MYLK4: variants seen among roughly 807,000 people sequenced by gnomAD.
MYLK4 encodes caMLCK like.
Under a neutral mutation model 48.1 loss-of-function variants are expected in MYLK4, and 46 were observed. That is an observed-to-expected ratio of 0.96 (90% CI 0.75 to 1.22). MYLK4 has a LOEUF of 1.22. MYLK4 is among the 50% of genes most tolerant of loss of function. The pLI is 0.00. For missense variants in MYLK4, 451 were observed against 486.1 expected (o/e 0.93, Z 0.68); for synonymous variants, 170 against 180.8 (o/e 0.94, Z 0.48).
chr6:2,754,875 C>A (rs568691403), upstream of MYLK4, among the ~76,000 whole-genome samples: 2 of 152,104 alleles, frequency 1.3e-5, no homozygotes, highest in Non-Finnish European at 2.9e-5. Flanking sequence ...AAGAGTCTCA[C>A]GCTTTTCTTC....
At chr6:2,679,476 T>C in intron 8 of MYLK4, 68 bp from the exon 9 acceptor site, 1 of 1,581,184 alleles carries the variant, frequency 6.3e-7, no homozygotes, top group East Asian at 2.2e-5. Flanking sequence ...TGAAATGATG[T>C]AGTCTATGAG....
chr6:2,671,337 A>T lies in MYLK4; in HGVS notation c.1131T>A (p.Asn377Lys), dbSNP rs952501044. ...CAAAGTCCTGGGCATCAGAGCCACG[A>T]TTCTTCTTCTTCTAGGGAAAGCAGA... is the stretch of plus-strand genomic sequence containing the variant. ...HSRLNAQKKK[N>K]RGSDAQDFVT... Residue 377 changes from asparagine (N) to lysine (K), a missense_variant, in exon 12 of 13, where the codon AAT becomes AAA. Transcript: ENST00000274643. 3 of 1,613,866 alleles carry T rather than the reference A, an allele frequency of 1.9e-6. No individual in the cohort carries two copies. The African/African-American group carries it at 4.0e-5, about 22-fold the overall frequency.
At chr6:2,766,324 C>T in the MYLK4 span, 41 of 1,610,624 alleles carry the variant, frequency 2.5e-5, no homozygotes, top group East Asian at 1.6e-4. Context: ...TGCGTCCTGA[C>T]ACGCTGCAGG....
Position 2,671,351 on chromosome 6 carries a change from A to C in MYLK4, c.1120-3T>G, listed in dbSNP as rs1760888253. ...TCAGAGCCACGATTCTTCTTCTTCTAGGGAAAGCAGAAGGCATATGGGAAG... is the reference window on the plus strand; with the variant it reads ...TCAGAGCCACGATTCTTCTTCTTCTCGGGAAAGCAGAAGGCATATGGGAAG... On this transcript the variant is annotated splice_region_variant and splice_polypyrimidine_tract_variant and intron_variant, in intron 11 of 12. Transcript: ENST00000274643. 2.5e-6 allele frequency: 4 copies of C among 1,613,838 alleles called. No homozygotes were observed. In the South Asian group the frequency reaches 4.4e-5, roughly 18 times the overall value.
chr6:2,738,621 T>G (rs1417842356), intron 2 of MYLK4, among the ~76,000 whole-genome samples: 6 of 152,182 alleles, frequency 3.9e-5, no homozygotes, highest in African/African-American at 1.4e-4. Flanking sequence ...GAACCTCAAT[T>G]TGTGGTGGTA....
the MYLK4 span, chr6:2,766,090 C>G: frequency 2.3e-6 from 3 of 1,314,064 alleles, no homozygotes; most frequent in East Asian, 3.1e-5. Flanking sequence ...CTCCGCGCAG[C>G]TGGGACGAGG....
At chr6:2,699,801 C>T (rs1451116596) in intron 2 of MYLK4, among the ~76,000 whole-genome samples, 1 of 152,114 alleles carries the variant, frequency 6.6e-6, no homozygotes, top group Non-Finnish European at 1.5e-5. Context: ...GCGCTTGAGC[C>T]TGGTGGTAGA....
intron 2 of MYLK4, among the ~76,000 whole-genome samples, chr6:2,737,474 G>GT (rs1561877566): frequency 6.6e-6 from 1 of 152,184 alleles, no homozygotes; most frequent in Non-Finnish European, 1.5e-5. Flanking sequence ...GTCTCTGATG[G>GT]TAACTCATCT....
intron 2 of MYLK4, among the ~76,000 whole-genome samples, chr6:2,741,701 T>C (rs2113360195): frequency 6.6e-6 from 1 of 152,338 alleles, no homozygotes; most frequent in East Asian, 1.9e-4. Flanking sequence ...TCATTAGCAA[T>C]AAGAAAAGCT....
Position 2,706,212 on chromosome 6 carries a change from C to T in MYLK4, c.160-13353G>A, listed in dbSNP as rs539180773. Among the ~76,000 whole-genome samples the T allele has an allele frequency of 7.0e-3, 275 of 39,418 alleles. 1 individual carries two copies. Among genetic ancestry groups the T allele is most frequent in the African/African-American group, 0.022 (259 of 11,738 alleles). The allele number at this position is 39,418 out of a possible 152,430, so 25.9% of individuals were successfully genotyped here. On this transcript the variant is annotated intron_variant, in intron 2 of 12. Coordinates refer to ENST00000274643, the MANE Select transcript of MYLK4 (RefSeq NM_001012418.5). ...TGAATATTCTATCTGTTATTGTATACTGTTTTCTGTGATGTTTAGAAGAGT... is the reference window on the plus strand; with the variant it reads ...TGAATATTCTATCTGTTATTGTATATTGTTTTCTGTGATGTTTAGAAGAGT...
chr6:2,731,822 T>A (rs938096187), intron 2 of MYLK4, among the ~76,000 whole-genome samples: 3 of 152,248 alleles, frequency 2.0e-5, no homozygotes, highest in African/African-American at 7.2e-5. Flanking sequence ...TCTTTTATTA[T>A]AAAAGGACCT....
At chr6:2,699,870 C>T (rs1215125417) in intron 2 of MYLK4, among the ~76,000 whole-genome samples, 1 of 152,098 alleles carries the variant, frequency 6.6e-6, no homozygotes, top group Non-Finnish European at 1.5e-5. Flanking sequence ...CCATGGGGGT[C>T]CAGGCTGTGG....
At chr6:2,697,811 T>A (rs941126487) in intron 2 of MYLK4, among the ~76,000 whole-genome samples, 2 of 152,232 alleles carry the variant, frequency 1.3e-5, no homozygotes, top group African/African-American at 4.8e-5. Flanking sequence ...CCCGCTGGCA[T>A]ACGGACCCTT....
intron 11 of MYLK4, 99 bp downstream of exon 11, chr6:2,674,948 G>T: frequency 1.2e-6 from 1 of 856,678 alleles, no homozygotes; most frequent in Non-Finnish European, 1.9e-6. Flanking sequence ...GAAAAAGAAT[G>T]AGAAAGAATC....
chr6:2,758,458 T>C, the MYLK4 span, among the ~76,000 whole-genome samples: 4 of 151,708 alleles, frequency 2.6e-5, no homozygotes, highest in Non-Finnish European at 4.4e-5. Flanking sequence ...ATAAAAGATA[T>C]ATGTATCTTT....
At chr6:2,710,791 C>T (rs973516460) in intron 2 of MYLK4, among the ~76,000 whole-genome samples, 13 of 152,172 alleles carry the variant, frequency 8.5e-5, no homozygotes, top group African/African-American at 1.7e-4. Context: ...AGACACATGG[C>T]TTTCAGTGTT....
chr6:2,759,070 T>C, the MYLK4 span, among the ~76,000 whole-genome samples: 1,346 of 152,286 alleles, frequency 8.8e-3, 7 homozygotes, highest in Middle Eastern at 0.024. Context: ...GCATATCATT[T>C]ATAAATTTAA....
chr6:2,743,113 G>A (rs1469488303), intron 2 of MYLK4, among the ~76,000 whole-genome samples: 1 of 152,060 alleles, frequency 6.6e-6, no homozygotes, highest in Admixed American at 6.6e-5. Context: ...AATGGGAGGA[G>A]TCAACTAAGG....
At chr6:2,680,437 T>C (rs967083299) in intron 7 of MYLK4, 146 bp from the exon 8 acceptor site, 2 of 1,502,780 alleles carry the variant, frequency 1.3e-6, no homozygotes, top group Non-Finnish European at 1.8e-6. Context: ...GTGGGTACTT[T>C]CTCCTTTAAT....
Sources: gnomAD v4.1 joint callset for allele counts (sites outside exome capture counted in the v4.1 genomes callset) on GRCh38, gnomAD v4.1.1 for gene constraint, MANE v1.5 for transcripts, NCBI Gene and HGNC (gene_info 2026-07-23, HGNC 2026-07-21) for gene names.